The following N4BP2 variants were observed in gnomAD, a reference collection of about 807,000 sequenced individuals.
N4BP2 encodes the protein NEDD4-binding protein 2.
Under a neutral mutation model 152.8 loss-of-function variants are expected in N4BP2, and 91 were observed. That is an observed-to-expected ratio of 0.60 (90% confidence interval 0.50 to 0.71). N4BP2 has a LOEUF of 0.71. Ranked by LOEUF, N4BP2 falls within the 30% of genes least tolerant of loss-of-function variation. N4BP2 has a pLI of 0.00. For missense variants in N4BP2, 1,923 were observed against 2,059.1 expected, an observed-to-expected ratio of 0.93 and a Z score of 1.28; for synonymous variants, 646 against 705.3, an observed-to-expected ratio of 0.92 and a Z score of 1.33.
intron 5 of N4BP2, among the ~76,000 whole-genome samples, chr4:40,111,337 T>C (rs1202157051): frequency 6.6e-6 from 1 of 152,182 alleles, no homozygotes; most frequent in Non-Finnish European, 1.5e-5. Context: ...TGGGGTTTTT[T>C]TGAGACGGAG....
chr4:40,120,566 TA>T lies in N4BP2; in HGVS notation c.2456del (p.Tyr819LeufsTer9). ...TTCATCCGTACAAAGCGACAAAAAG[TA>T]TAATTACCCTCAGTCACACAAATTA... ...KTSSVQSDKK[Y>X]NYPQSHKLVN... is the part of the protein sequence containing the mutation. On this transcript the variant is annotated frameshift_variant, in exon 9 of 18. Transcript: ENST00000261435. LOFTEE classifies it high-confidence loss of function. 2.5e-6 allele frequency: 4 copies of T among 1,613,992 alleles called. No homozygotes were observed. Among genetic ancestry groups the T allele is most frequent in the Non-Finnish European group, 3.4e-6 (4 of 1,180,002 alleles).
At position 40,097,303 on chromosome 4, in the gene N4BP2, A is replaced by G. The variant is rs1715186064; in HGVS notation, c.-38A>G. On this transcript the variant is annotated 5_prime_UTR_variant, in exon 3 of 18. Coordinates refer to ENST00000261435, the MANE Select transcript of N4BP2 (RefSeq NM_018177.6). Reference sequence around the variant, plus strand: ...TATGACTTAAATGTCAAACATCTTAACTAAGAAAAGGGAAACATTTTAGTT... The same window carrying G: ...TATGACTTAAATGTCAAACATCTTAGCTAAGAAAAGGGAAACATTTTAGTT... 6.4e-7 allele frequency: 1 copy of G among 1,561,438 alleles called. No homozygotes were observed. Among genetic ancestry groups the G allele is most frequent in the South Asian group, 1.1e-5 (1 of 89,572 alleles).
At chr4:40,152,631 C>G in intron 16 of N4BP2, 149 bp from the exon 17 acceptor site, 1 of 707,942 alleles carries the variant, frequency 1.4e-6, no homozygotes, top group Non-Finnish European at 2.3e-6. Context: ...TTTGAGATAG[C>G]AAATCTGTCT....
chr4:40,174,326 G>A, the N4BP2 span, among the ~76,000 whole-genome samples: 151 of 152,130 alleles, frequency 9.9e-4, no homozygotes, highest in African/African-American at 3.4e-3. Flanking sequence ...GCAGTGAGCC[G>A]TGATCATTTA....
At chr4:40,087,572 G>T (rs546875946) in intron 2 of N4BP2, among the ~76,000 whole-genome samples, 3 of 151,442 alleles carry the variant, frequency 2.0e-5, no homozygotes. Context: ...GCCATGTTGC[G>T]TAGGCTGGTC....
chr4:40,075,439 C>T (rs1433356095), intron 2 of N4BP2, among the ~76,000 whole-genome samples: 1 of 152,156 alleles, frequency 6.6e-6, no homozygotes, highest in Non-Finnish European at 1.5e-5. Flanking sequence ...CACTCTGTCG[C>T]CTAGGCTGGA....
Position 40,126,311 on chromosome 4 carries a change from T to C in N4BP2, c.4508T>C (p.Leu1503Ser). 2 of 1,547,224 alleles carry C rather than the reference T, an allele frequency of 1.3e-6. No homozygotes were observed. The highest frequency in any genetic ancestry group is 8.8e-7 in the Non-Finnish European group (1 of 1,141,278). ...GAAATAATGTCAGAAGAAATTGCCTTACAGGAAAAACATAATTTGGTATGA... is the reference window on the plus strand; with the variant it reads ...GAAATAATGTCAGAAGAAATTGCCTCACAGGAAAAACATAATTTGGTATGA... ...LREIMSEEIA[L>S]QEKHNLKRET... Residue 1503 changes from leucine (L) to serine (S), a missense_variant, in exon 12 of 18, where the codon TTA (leucine) becomes TCA (serine). Physicochemically the swap from Leu to Ser is moderately radical, Grantham distance 145. Transcript: ENST00000261435.
At chr4:40,147,690 C>A (rs1015256843) in intron 16 of N4BP2, among the ~76,000 whole-genome samples, 1 of 150,710 alleles carries the variant, frequency 6.6e-6, no homozygotes, top group Non-Finnish European at 1.5e-5. Flanking sequence ...GCTGACCCCC[C>A]ACCTCCCTCC....
chr4:40,144,503 G>A (rs1160270778), intron 15 of N4BP2, 129 bp from the exon 16 acceptor site: 44 of 691,290 alleles, frequency 6.4e-5, no homozygotes, highest in Non-Finnish European at 1.2e-5. Context: ...TAAACTCATT[G>A]CATTATTTAA....
intron 2 of N4BP2, among the ~76,000 whole-genome samples, chr4:40,085,747 A>G (rs1047139779): frequency 3.3e-5 from 5 of 152,216 alleles, no homozygotes; most frequent in Non-Finnish European, 5.9e-5. Context: ...CCTCTGGAGA[A>G]GAAAGCCAGT....
intron 13 of N4BP2, 32 bp from the exon 14 acceptor site, chr4:40,136,912 T>C (rs1250113991): frequency 1.3e-6 from 2 of 1,512,518 alleles, no homozygotes; most frequent in South Asian, 1.2e-5. Context: ...TTTCATTTAT[T>C]GACATTATGT....
chr4:40,147,643 C>T (rs1410821890), intron 16 of N4BP2, among the ~76,000 whole-genome samples: 1 of 150,648 alleles, frequency 6.6e-6, no homozygotes, highest in Admixed American at 6.6e-5. Context: ...GCTGACCCCC[C>T]ACCTCCCTCC....
intron 1 of N4BP2, among the ~76,000 whole-genome samples, chr4:40,070,156 T>A (rs1051777981): frequency 1.3e-5 from 2 of 152,204 alleles, no homozygotes; most frequent in Non-Finnish European, 2.9e-5. Context: ...CATTTTGCCA[T>A]ATTTGTTTTA....
chr4:40,095,090 T>C (rs1714987406), intron 2 of N4BP2, among the ~76,000 whole-genome samples: 1 of 146,170 alleles, frequency 6.8e-6, no homozygotes, highest in East Asian at 2.0e-4. Flanking sequence ...TTACTATATC[T>C]TTTTTTTTTT....
At chr4:40,147,165 C>T (rs1432542475) in intron 16 of N4BP2, among the ~76,000 whole-genome samples, 6 of 149,824 alleles carry the variant, frequency 4.0e-5, no homozygotes, top group African/African-American at 7.4e-5. Flanking sequence ...CATCTTGCAC[C>T]GCCCTTAATC....
At chr4:40,083,290 GT>G (rs1713589294) in intron 2 of N4BP2, among the ~76,000 whole-genome samples, 1 of 151,988 alleles carries the variant, frequency 6.6e-6, no homozygotes, top group Non-Finnish European at 1.5e-5. Flanking sequence ...TCCTCAAAAG[GT>G]TAAACATAGA....
At chr4:40,175,338 GA>G in the N4BP2 span, among the ~76,000 whole-genome samples, 26,166 of 103,548 alleles carry the variant, frequency 0.25, 2,858 homozygotes, top group East Asian at 0.6. Context: ...GTGAAATATA[GA>G]AAAAAAAAAA....
chr4:40,081,080 C>T (rs1297876998), intron 2 of N4BP2, among the ~76,000 whole-genome samples: 1 of 151,734 alleles, frequency 6.6e-6, no homozygotes, highest in African/African-American at 2.4e-5. Context: ...GGATATATAG[C>T]TTGCAAACTG....
intron 2 of N4BP2, among the ~76,000 whole-genome samples, chr4:40,087,753 T>G: frequency 6.6e-6 from 1 of 152,132 alleles, no homozygotes; most frequent in East Asian, 1.9e-4. Context: ...GGCTTTTTTT[T>G]AGATTTTTTT....
Sources: allele counts gnomAD v4.1 joint callset (sites outside exome capture counted in the v4.1 genomes callset), GRCh38; gene constraint gnomAD v4.1.1; transcripts MANE v1.5; gene names NCBI Gene and HGNC (gene_info 2026-07-23, HGNC 2026-07-21).